CPLANE1: variants seen among roughly 807,000 people sequenced by gnomAD.
CPLANE1 encodes ciliogenesis and planar polarity effector complex subunit 1.
Under a neutral mutation model 362.5 loss-of-function variants are expected in CPLANE1, and 263 were observed. The ratio of observed to expected loss-of-function variants is 0.73; its 90% CI spans 0.66 to 0.80. CPLANE1 has a LOEUF of 0.80. CPLANE1 is among the 30% of genes least tolerant of loss of function. The probability of loss-of-function intolerance (pLI) is 0.00; values close to 1 mark genes in which losing one functional copy is unlikely to be tolerated. For missense variants in CPLANE1, 3,461 were observed against 3,793.4 expected (o/e 0.91, Z 2.30); for synonymous variants, 1,212 against 1,302.6 (o/e 0.93, Z 1.50).
chr5:37,085,591 T>C, the CPLANE1 span: 8 of 878,098 alleles, frequency 9.1e-6, no homozygotes, highest in Non-Finnish European at 1.4e-5. Flanking sequence ...ACTGGTACAC[T>C]GGTAACCTGT....
At chr5:37,179,602 C>T (rs1254322832) in intron 28 of CPLANE1, among the ~76,000 whole-genome samples, 159 bp from the exon 29 acceptor site, 2 of 152,102 alleles carry the variant, frequency 1.3e-5, no homozygotes, top group African/African-American at 4.8e-5. Flanking sequence ...GAGTCTATTC[C>T]ATCTTCATCA....
Position 37,245,518 on chromosome 5 carries a change from T to G in CPLANE1, c.298A>C (p.Ile100Leu). 1 of 1,503,148 alleles carries G rather than the reference T, an allele frequency of 6.7e-7. No individual in the cohort carries two copies. The highest frequency in any genetic ancestry group is 1.3e-5 in the South Asian group (1 of 74,444). 93.1% of individuals were successfully genotyped at this position (1,503,148 alleles called of 1,614,324 possible). Reference protein sequence around the residue: ...KDQDCLKTIPITEKPKEMIKA... With the variant: ...KDQDCLKTIPLTEKPKEMIKA... ...ATCATTTCCTTAGGCTTTTCAGTTATTGGTATAGTTTTCAAACAATCTTGA... is the reference window on the plus strand; with the variant it reads ...ATCATTTCCTTAGGCTTTTCAGTTAGTGGTATAGTTTTCAAACAATCTTGA... The change falls in exon 4 of 53, where the codon ATA (isoleucine) becomes CTA (leucine). Residue 100 changes from isoleucine (I) to leucine (L), a missense_variant. Coordinates refer to ENST00000651892, the MANE Select transcript of CPLANE1 (RefSeq NM_001384732.1).
At chr5:37,117,439 C>T (rs79964254) in intron 50 of CPLANE1, among the ~76,000 whole-genome samples, 108 of 152,024 alleles carry the variant, frequency 7.1e-4, no homozygotes, top group African/African-American at 2.4e-3. Context: ...CTCTAATTTT[C>T]ATAGCAACCA....
At chr5:37,125,020 G>C in intron 47 of CPLANE1, 4 of 1,295,694 alleles carry the variant, frequency 3.1e-6, no homozygotes, top group Non-Finnish European at 3.9e-6. Context: ...TAGCCTGGGG[G>C]ACAAGAAAAT....
At chr5:37,099,252 T>C in the CPLANE1 span, among the ~76,000 whole-genome samples, 1 of 152,172 alleles carries the variant, frequency 6.6e-6, no homozygotes, top group African/African-American at 2.4e-5. Context: ...AAGCCCAGCA[T>C]CCATTAGTTA....
chr5:37,176,762 C>CA (rs757720522), intron 30 of CPLANE1, among the ~76,000 whole-genome samples: 2 of 137,182 alleles, frequency 1.5e-5, no homozygotes, highest in East Asian at 2.1e-4. Context: ...ATTATGTTGC[C>CA]TTTTTTTTTT....
intron 18 of CPLANE1, among the ~76,000 whole-genome samples, chr5:37,203,738 G>A (rs1169969325): frequency 6.6e-6 from 1 of 152,046 alleles, no homozygotes; most frequent in East Asian, 1.9e-4. Flanking sequence ...AGCTGGTCTC[G>A]AACTCCTGGG....
rs1244409222 is a variant in CPLANE1, at chr5:37,221,439, T to G, written c.2631A>C (p.Leu877Phe). The G allele has an allele frequency of 2.0e-6, 3 of 1,522,518 alleles. No individual in the cohort carries two copies. In the Admixed American group the frequency reaches 6.8e-5, roughly 35 times the overall value. The allele number at this position is 1,522,518 out of a possible 1,614,324, so 94.3% of individuals were successfully genotyped here. ...AATTATAGCTATAGAGGTGGCAGTA[T>G]AAGAGAGAAAGATAATAGCGTATCT... ...FLQIRYYLSL[L>F]YCHLYSYNLN... Residue 877 changes from leucine to phenylalanine, a missense_variant, in exon 15 of 53, where the codon TTA becomes TTC. Physicochemically the swap from Leu to Phe is conservative, Grantham distance 22 (BLOSUM62 0). This residue lies in a region of CPLANE1 where 3,380 missense variants were observed against 3,666.1 expected (regional missense o/e 0.92). Transcript: ENST00000651892.
intron 30 of CPLANE1, 98 bp downstream of exon 30, chr5:37,177,523 C>G: frequency 1.2e-6 from 1 of 830,724 alleles, no homozygotes; most frequent in South Asian, 1.7e-5. Context: ...AAACACAATA[C>G]CACCCTAAAT....
chr5:37,120,661 A>T (rs1167127512), intron 49 of CPLANE1, among the ~76,000 whole-genome samples: 1 of 152,200 alleles, frequency 6.6e-6, no homozygotes, highest in African/African-American at 2.4e-5. Flanking sequence ...GATGCACTTA[A>T]CATATAACTC....
intron 50 of CPLANE1, among the ~76,000 whole-genome samples, chr5:37,115,757 T>C (rs958496450): frequency 1.3e-5 from 2 of 151,506 alleles, no homozygotes; most frequent in Admixed American, 6.6e-5. Context: ...CCACCATGCC[T>C]GGCTACTTTT....
At chr5:37,097,059 A>G in the CPLANE1 span, among the ~76,000 whole-genome samples, 1 of 152,174 alleles carries the variant, frequency 6.6e-6, no homozygotes, top group African/African-American at 2.4e-5. Flanking sequence ...ACTTAAGCAT[A>G]AAAACACGGA....
At chr5:37,144,979 G>C (rs1460432337) in intron 43 of CPLANE1, among the ~76,000 whole-genome samples, 1 of 151,818 alleles carries the variant, frequency 6.6e-6, no homozygotes, top group South Asian at 2.1e-4. Context: ...AAATGGGAGG[G>C]TTAAAAACAG....
In CPLANE1 at chr5:37,169,829, C is replaced by T. The variant is rs181106251; in HGVS notation, c.6462+212G>A. 1.3e-4 allele frequency among the ~76,000 whole-genome samples: 19 copies of T among 151,920 alleles called. No individual in the cohort carries two copies. The East Asian group carries it at 2.1e-3, about 17-fold the overall frequency. On this transcript the variant is annotated intron_variant, in intron 33 of 52. Transcript: ENST00000651892. The stretch of plus-strand genomic sequence containing the variant: ...GCAACCTCCACCTCCTGAGTTCAAG[C>T]GATTCTCCTGCCTCAGCCTCCTGAG...
chr5:37,134,422 C>T (rs1766946806), intron 46 of CPLANE1, among the ~76,000 whole-genome samples: 2 of 152,170 alleles, frequency 1.3e-5, no homozygotes, highest in African/African-American at 4.8e-5. Context: ...CTACTTTGTG[C>T]ATACAGGCAT....
At chr5:37,126,842 G>T (rs1241672588) in intron 46 of CPLANE1, among the ~76,000 whole-genome samples, 1 of 151,676 alleles carries the variant, frequency 6.6e-6, no homozygotes, top group African/African-American at 2.4e-5. Context: ...ATTTTAAAAA[G>T]TTTTTTTTTA....
intron 46 of CPLANE1, among the ~76,000 whole-genome samples, chr5:37,126,977 C>G (rs1255773088): frequency 6.6e-6 from 1 of 152,176 alleles, no homozygotes; most frequent in Non-Finnish European, 1.5e-5. Flanking sequence ...TTTTGAGACT[C>G]TGATATCTTA....
intron 44 of CPLANE1, 97 bp downstream of exon 44, chr5:37,142,213 C>A: frequency 7.5e-7 from 1 of 1,330,732 alleles, no homozygotes; most frequent in Non-Finnish European, 9.7e-7. Context: ...AAAATGACTT[C>A]ACAAACCTTT....
chr5:37,200,990 A>G (rs1789015659), intron 19 of CPLANE1, among the ~76,000 whole-genome samples: 1 of 152,024 alleles, frequency 6.6e-6, no homozygotes, highest in Non-Finnish European at 1.5e-5. Context: ...TGCCCAGCTA[A>G]TTTTTGTATA....
Sources: gnomAD v4.1 joint callset for allele counts (sites outside exome capture counted in the v4.1 genomes callset) on GRCh38, gnomAD v4.1.1 for gene constraint, gnomAD v4.1.1 regional missense constraint, MANE v1.5 for transcripts, NCBI Gene and HGNC (gene_info 2026-07-23, HGNC 2026-07-21) for gene names.